The following MPP3 variants were observed in gnomAD, a reference collection of about 807,000 sequenced individuals.
MPP3 encodes MAGUK p55 subfamily member 3.
A neutral mutation model predicts 80.7 loss-of-function variants in MPP3; 48 were observed. The ratio of observed to expected loss-of-function variants is 0.59; its 90% CI spans 0.47 to 0.76. The LOEUF is 0.76. Among genes scored for constraint, MPP3 ranks in the 30% least tolerant of loss-of-function variants. MPP3 has a pLI of 0.00. For missense variants in MPP3, 620 were observed against 763.0 expected (o/e 0.81, Z 2.21); for synonymous variants, 311 against 297.6 (o/e 1.04, Z -0.46).
chr17:43,831,852 TG>T (rs765030519), intron 3 of MPP3, 29 bp downstream of exon 3: 1 of 1,589,938 alleles, frequency 6.3e-7, no homozygotes, highest in Admixed American at 1.8e-5. Flanking sequence ...TTCAGGACTG[TG>T]GCAGGTCCAG....
chr17:43,802,461 T>C (rs1356571013), intron 19 of MPP3, among the ~76,000 whole-genome samples: 1 of 152,168 alleles, frequency 6.6e-6, no homozygotes, highest in Non-Finnish European at 1.5e-5. Context: ...GTGGAGTTAT[T>C]TAAGAAAGCA....
At chr17:43,828,679 T>C (rs904595162) in intron 7 of MPP3, among the ~76,000 whole-genome samples, 2 of 152,222 alleles carry the variant, frequency 1.3e-5, no homozygotes, top group Non-Finnish European at 2.9e-5. Flanking sequence ...TGCACACTTA[T>C]TGTTAACATC....
intron 14 of MPP3, 41 bp downstream of exon 14, chr17:43,815,996 TG>T: frequency 6.8e-7 from 1 of 1,462,850 alleles, no homozygotes; most frequent in Non-Finnish European, 9.0e-7. Flanking sequence ...GGGCCTTGGG[TG>T]GGGCAGGTCG....
At chr17:43,815,825 C>T (rs1331657230) in intron 14 of MPP3, 16 of 667,788 alleles carry the variant, frequency 2.4e-5, no homozygotes, top group Non-Finnish European at 4.0e-5. Context: ...GCAGTGTGCC[C>T]CACAGCTGGG....
chr17:43,818,753 C>T lies in MPP3; in HGVS notation c.882-643G>A, dbSNP rs369355987. Among the ~76,000 whole-genome samples the T allele has an allele frequency of 1.5e-3, 222 of 152,068 alleles. 6 individuals carry two copies. In the South Asian group the frequency reaches 0.044, roughly 30 times the overall value. The stretch of plus-strand genomic sequence containing the variant: ...CAGCCTGGCCAACACGGTGAAACCC[C>T]GTCTCTACTAAAAAATACAAAAAGT... On this transcript the variant is annotated intron_variant, in intron 11 of 19. Coordinates refer to ENST00000398389, the MANE Select transcript of MPP3 (RefSeq NM_001932.6).
chr17:43,808,497 C>T (rs1313912994), intron 19 of MPP3, among the ~76,000 whole-genome samples: 1 of 152,230 alleles, frequency 6.6e-6, no homozygotes, highest in Non-Finnish European at 1.5e-5. Context: ...ACACATCAGA[C>T]GATCTCATCC....
rs572867886 is a variant in MPP3 at position 43,801,454 on chromosome 17, A to G, written c.*247T>C. 46 of 464,912 alleles carry G rather than the reference A, an allele frequency of 9.9e-5. No homozygotes were observed. Among genetic ancestry groups the G allele is most frequent in the Non-Finnish European group, 1.6e-4 (42 of 261,888 alleles). 28.8% of individuals were successfully genotyped at this position (464,912 alleles called of 1,614,324 possible). On this transcript the variant is annotated 3_prime_UTR_variant, in exon 20 of 20. Transcript: ENST00000398389. Reference sequence around the variant, plus strand: ...GAATCAGGGTCAGCTTGCCTGTGATACTTTAATAAATGAAATGTGTTGTTT... The same window carrying G: ...GAATCAGGGTCAGCTTGCCTGTGATGCTTTAATAAATGAAATGTGTTGTTT...
In MPP3 at chr17:43,820,926, C is replaced by G. The variant is rs1567815316; in HGVS notation, c.817G>C (p.Ala273Pro). Residue 273 changes from alanine to proline, a missense_variant, in exon 11 of 20, where the codon GCC (alanine) becomes CCC (proline). Coordinates refer to ENST00000398389, the MANE Select transcript of MPP3 (RefSeq NM_001932.6). ...AGGTTGGTGTCCCCGACTCGCTTGGCCTGCCACCACGTGGGGTCGTCCTGG... is the reference window on the plus strand; with the variant it reads ...AGGTTGGTGTCCCCGACTCGCTTGGGCTGCCACCACGTGGGGTCGTCCTGG... ...VSQDDPTWWQ[A>P]KRVGDTNLRA... is the part of the protein sequence containing the mutation. 1 of 1,614,156 alleles carries G rather than the reference C, an allele frequency of 6.2e-7. No homozygotes were observed. The highest frequency in any genetic ancestry group is 1.7e-5 in the Admixed American group (1 of 60,028).
At chr17:43,829,548 C>T in intron 7 of MPP3, 106 bp downstream of exon 7, 4 of 1,357,062 alleles carry the variant, frequency 2.9e-6, no homozygotes, top group Non-Finnish European at 4.0e-6. Flanking sequence ...GGCAAAGCTG[C>T]CGTCACTCAC....
At chr17:43,829,818 G>A (rs765037906) in intron 6 of MPP3, 27 bp from the exon 7 acceptor site, 21 of 1,596,884 alleles carry the variant, frequency 1.3e-5, no homozygotes, top group Admixed American at 1.7e-5. Context: ...AGAAAAGGAA[G>A]GCTGGCCCGC....
intron 2 of MPP3, 99 bp from the exon 3 acceptor site, chr17:43,832,042 GGACA>G: frequency 2.6e-6 from 2 of 770,882 alleles, no homozygotes; most frequent in Non-Finnish European, 4.5e-6. Flanking sequence ...ACCAGGCTGT[GGACA>G]GAGAGGATGG....
chr17:43,806,812 TGGTCA>T (rs1020342178), intron 19 of MPP3, among the ~76,000 whole-genome samples: 13 of 152,086 alleles, frequency 8.5e-5, no homozygotes, highest in African/African-American at 2.9e-4. Context: ...TTCACCATGT[TGGTCA>T]GGTTGGTCTT....
chr17:43,825,869 C>A (rs1194308625), intron 8 of MPP3, 28 bp from the exon 9 acceptor site: 3 of 1,442,692 alleles, frequency 2.1e-6, no homozygotes, highest in Non-Finnish European at 2.9e-6. Context: ...TGACCATCAG[C>A]ACAGGAGGAG....
At position 43,830,028 on chromosome 17, in the gene MPP3, C is replaced by G; in HGVS notation, c.302G>C (p.Arg101Thr). The change falls in exon 6 of 20, where the codon AGG (arginine) becomes ACG (threonine). Residue 101 changes from arginine to threonine, a missense_variant and splice_region_variant. By Grantham distance (71) the Arg-to-Thr change is moderately conservative. Transcript: ENST00000398389. Reference sequence around the variant, plus strand: ...TGGGCAGGGGCTCTGTGTGACTACCCTCAGGTGCGGGGTGGACAGCAGCTG... The same window carrying G: ...TGGGCAGGGGCTCTGTGTGACTACCGTCAGGTGCGGGGTGGACAGCAGCTG... ...LLQLLSTPHL[R>T]AVLMVHDTVA... 6.2e-7 allele frequency: 1 copy of G among 1,603,824 alleles called. No homozygotes were observed. The highest frequency in any genetic ancestry group is 8.5e-7 in the Non-Finnish European group (1 of 1,176,306).
Position 43,825,797 on chromosome 17 carries a change from C to A in MPP3, c.568G>T (p.Ala190Ser). 1 of 1,613,236 alleles carries A rather than the reference C, an allele frequency of 6.2e-7. No individual in the cohort carries two copies. Among genetic ancestry groups the A allele is most frequent in the Non-Finnish European group, 8.5e-7 (1 of 1,179,212 alleles). ...GDELREVNGI[A>S]VLHKRPDEIS... ...TCGTCGGGCCGCTTGTGCAGGACTGCGATCCCGTTCACTTCTCGGAGCTCA... is the reference window on the plus strand; with the variant it reads ...TCGTCGGGCCGCTTGTGCAGGACTGAGATCCCGTTCACTTCTCGGAGCTCA... The change falls in exon 9 of 20, where the codon GCA becomes TCA. Residue 190 changes from alanine to serine, a missense_variant. Transcript: ENST00000398389.
intron 11 of MPP3, 83 bp downstream of exon 11, chr17:43,820,779 G>A: frequency 2.3e-6 from 3 of 1,325,116 alleles, no homozygotes; most frequent in East Asian, 2.4e-5. Context: ...CTCTGGCTGT[G>A]AGGGCAGAGA....
intron 11 of MPP3, 82 bp downstream of exon 11, chr17:43,820,780 A>G: frequency 2.2e-6 from 3 of 1,336,574 alleles, no homozygotes; most frequent in South Asian, 1.3e-5. Flanking sequence ...TCTGGCTGTG[A>G]GGGCAGAGAC....
chr17:43,821,617 C>T (rs1259170894), intron 10 of MPP3, among the ~76,000 whole-genome samples: 1 of 152,328 alleles, frequency 6.6e-6, no homozygotes, highest in South Asian at 2.1e-4. Flanking sequence ...GCCATAGACT[C>T]GGCCAAGCCC....
Position 43,801,731 on chromosome 17 carries a change from A to G in MPP3, c.1728T>C (p.Thr576=), listed in dbSNP as rs768786541. The G allele has an allele frequency of 3.7e-6, 6 of 1,613,958 alleles. No homozygotes were observed. In the African/African-American group the frequency reaches 6.7e-5, roughly 18 times the overall value. ...KVVLEKLSKD[T]HWVPVSWVR ...TGACCCAACTAACAGGTACCCAGTG[A>G]GTGTCCTTGCTCAGCTTCTCTAAGA... is the stretch of plus-strand genomic sequence containing the variant. Residue 576 remains threonine (T), a synonymous_variant, in exon 20 of 20, where the codon ACT becomes ACC. Transcript: ENST00000398389.
Sources: gnomAD v4.1 joint callset for allele counts (sites outside exome capture counted in the v4.1 genomes callset) on GRCh38, gnomAD v4.1.1 for gene constraint, MANE v1.5 for transcripts, NCBI Gene and HGNC (gene_info 2026-07-23, HGNC 2026-07-21) for gene names.